The following MYLK4 variants were observed in gnomAD, a reference collection of about 807,000 sequenced individuals.
MYLK4 encodes the protein caMLCK like.
Under a neutral mutation model 48.1 loss-of-function variants are expected in MYLK4, and 46 were observed. The observed-to-expected ratio is 0.96, with a 90% CI of 0.75 to 1.22. The LOEUF (loss-of-function observed/expected upper bound fraction) is 1.22, where lower values mean the gene tolerates loss of function less well. Among genes scored for constraint, MYLK4 ranks in the 50% most tolerant of loss-of-function variants. MYLK4 has a pLI of 0.00. For synonymous variants in MYLK4, 170 were observed against 180.8 expected, an observed-to-expected ratio of 0.94 and a Z score of 0.48; for missense variants, 451 against 486.1, an observed-to-expected ratio of 0.93 and a Z score of 0.68.
chr6:2,685,690 G>A lies in MYLK4; in HGVS notation c.342-114C>T. ...GAGTCTGGATGAGCAGCCCTCTGAG[G>A]AGTTCTTTCAGTAAACTTCTAGAGC... On this transcript the variant is annotated intron_variant, in intron 4 of 12. Coordinates refer to ENST00000274643, the MANE Select transcript of MYLK4 (RefSeq NM_001012418.5). This position sits in a 1 kb window ranked among gnomAD's most constrained non-coding sequence, Gnocchi z 4.5. The A allele has an allele frequency of 1.2e-6, 1 of 843,434 alleles. No homozygotes were observed. Among genetic ancestry groups the A allele is most frequent in the East Asian group, 2.5e-5 (1 of 40,316 alleles). 52.2% of individuals were successfully genotyped at this position (843,434 alleles called of 1,614,324 possible).
At chr6:2,740,829 T>G (rs772153695) in intron 2 of MYLK4, among the ~76,000 whole-genome samples, 3 of 152,212 alleles carry the variant, frequency 2.0e-5, no homozygotes, top group Admixed American at 6.5e-5. Flanking sequence ...TGGACTTTGT[T>G]GTTGTCACCA....
At chr6:2,717,261 T>C (rs1187269715) in intron 2 of MYLK4, among the ~76,000 whole-genome samples, 1 of 152,254 alleles carries the variant, frequency 6.6e-6, no homozygotes, top group Non-Finnish European at 1.5e-5. Context: ...GACTCACTTG[T>C]TAAATTTCCT....
At chr6:2,723,938 G>C (rs560083670) in intron 2 of MYLK4, among the ~76,000 whole-genome samples, 3 of 152,050 alleles carry the variant, frequency 2.0e-5, no homozygotes, top group African/African-American at 7.2e-5. Flanking sequence ...GGGCAGTGGC[G>C]TGATCTCGGC....
intron 3 of MYLK4, among the ~76,000 whole-genome samples, chr6:2,691,140 A>C (rs1582051301): frequency 6.6e-6 from 1 of 152,152 alleles, no homozygotes; most frequent in African/African-American, 2.4e-5. Context: ...AATCTCTCTG[A>C]ATCTTAACGG....
At chr6:2,692,934 G>T in intron 2 of MYLK4, 75 bp from the exon 3 acceptor site, 1 of 1,326,444 alleles carries the variant, frequency 7.5e-7, no homozygotes, top group Non-Finnish European at 1.1e-6. Context: ...CCTGACACTT[G>T]CGCTGGATGA....
At chr6:2,694,506 G>A (rs1192804801) in intron 2 of MYLK4, among the ~76,000 whole-genome samples, 33 of 47,520 alleles carry the variant, frequency 6.9e-4, no homozygotes, top group Middle Eastern at 7.8e-3. Flanking sequence ...GGTGGTGGTG[G>A]TGGTGGCGGT....
At chr6:2,715,089 A>G (rs1339607544) in intron 2 of MYLK4, among the ~76,000 whole-genome samples, 3 of 151,934 alleles carry the variant, frequency 2.0e-5, no homozygotes, top group Non-Finnish European at 4.4e-5. Flanking sequence ...ACATGGAGAA[A>G]CCCCGTCTCT....
At chr6:2,694,527 GTGGTAGTAGTGTTGGTTGTGGTGGTAGT>G (rs1761963137) in intron 2 of MYLK4, among the ~76,000 whole-genome samples, 4 of 133,458 alleles carry the variant, frequency 3.0e-5, no homozygotes, top group Admixed American at 7.6e-5. Flanking sequence ...GGTGGTGGTG[GTGGTAGTAGTGTTGGTTGTGGTGGTAGT>G]CGTGGTGGTA....
In MYLK4 at chr6:2,685,642, G is replaced by A. The variant is rs1450899400; in HGVS notation, c.342-66C>T. The A allele has an allele frequency of 2.0e-5, 29 of 1,428,242 alleles. No homozygotes were observed. The highest frequency in any genetic ancestry group is 2.9e-5 in the Non-Finnish European group (29 of 1,016,962). The allele number at this position is 1,428,242 out of a possible 1,614,324, so 88.5% of individuals were successfully genotyped here. On this transcript the variant is annotated intron_variant, in intron 4 of 12. Coordinates refer to ENST00000274643, the MANE Select transcript of MYLK4 (RefSeq NM_001012418.5). The surrounding 1 kb of genome is among the most constrained non-coding windows in gnomAD (Gnocchi z 4.5). ...TCAGCTGCCGAGTGGACAGCGCACA[G>A]TGGCCCCAGTATTTCTCCTGCTGAG...
At chr6:2,763,038 C>G in the MYLK4 span, among the ~76,000 whole-genome samples, 4 of 152,210 alleles carry the variant, frequency 2.6e-5, no homozygotes, top group Admixed American at 6.5e-5. Flanking sequence ...GCTCTAGCAG[C>G]CTGCTTTTAT....
At chr6:2,763,942 T>C in the MYLK4 span, among the ~76,000 whole-genome samples, 2 of 151,882 alleles carry the variant, frequency 1.3e-5, no homozygotes, top group African/African-American at 2.4e-5. Context: ...AGGTCGGGAG[T>C]TCGAGGAAGA....
At chr6:2,707,835 C>T (rs1175807619) in intron 2 of MYLK4, among the ~76,000 whole-genome samples, 1 of 151,866 alleles carries the variant, frequency 6.6e-6, no homozygotes, top group African/African-American at 2.4e-5. Context: ...AATCAAAATC[C>T]TAAAATCTAC....
At chr6:2,719,512 C>T (rs1037195569) in intron 2 of MYLK4, among the ~76,000 whole-genome samples, 21 of 152,134 alleles carry the variant, frequency 1.4e-4, no homozygotes, top group African/African-American at 5.1e-4. Flanking sequence ...AGGGTCTGTG[C>T]CAAATAATTT....
At chr6:2,675,660 T>C (rs1423249165) in intron 10 of MYLK4, among the ~76,000 whole-genome samples, 5 of 152,212 alleles carry the variant, frequency 3.3e-5, no homozygotes, top group Non-Finnish European at 1.5e-5. Flanking sequence ...AATATCCTTT[T>C]GGAGCCAGCA....
intron 2 of MYLK4, among the ~76,000 whole-genome samples, chr6:2,724,137 C>T (rs1337673553): frequency 6.6e-6 from 1 of 152,172 alleles, no homozygotes; most frequent in Non-Finnish European, 1.5e-5. Flanking sequence ...CTCAGCCTCC[C>T]AAAGTGCCGT....
At chr6:2,677,742 G>A (rs973890492) in intron 10 of MYLK4, among the ~76,000 whole-genome samples, 2 of 152,186 alleles carry the variant, frequency 1.3e-5, no homozygotes, top group African/African-American at 4.8e-5. Context: ...GGCAAACCAC[G>A]TGGGATCTTC....
intron 12 of MYLK4, among the ~76,000 whole-genome samples, chr6:2,670,704 G>T (rs545298920): frequency 6.6e-6 from 1 of 152,156 alleles, no homozygotes; most frequent in Non-Finnish European, 1.5e-5. Flanking sequence ...GTGTCAGGGT[G>T]TATGGGAGGT....
At chr6:2,753,638 A>G (rs1313274913), upstream of MYLK4, among the ~76,000 whole-genome samples, 6 of 151,928 alleles carry the variant, frequency 3.9e-5, no homozygotes, top group Non-Finnish European at 7.4e-5. Flanking sequence ...GAAGTCACAT[A>G]TTTGACAAAG....
At chr6:2,669,470 G>A (rs1760796372) in intron 12 of MYLK4, among the ~76,000 whole-genome samples, 1 of 152,202 alleles carries the variant, frequency 6.6e-6, no homozygotes, top group African/African-American at 2.4e-5. Flanking sequence ...GCCTTGGAAT[G>A]CAACCCTGGC....
Sources: gnomAD v4.1 joint callset for allele counts (sites outside exome capture counted in the v4.1 genomes callset) on GRCh38, gnomAD v4.1.1 for gene constraint, Gnocchi (gnomAD v3.1) non-coding constraint, MANE v1.5 for transcripts, NCBI Gene and HGNC (gene_info 2026-07-23, HGNC 2026-07-21) for gene names.